The following PAK4 variants were observed in gnomAD, a reference collection of about 807,000 sequenced individuals.
The protein encoded by PAK4 is serine/threonine-protein kinase PAK 4.
In PAK4, 49 loss-of-function variants were observed where a neutral mutation model predicts 53.5. The observed-to-expected ratio is 0.92, with a 90% confidence interval of 0.73 to 1.16. PAK4 has a LOEUF of 1.16. Ranked by LOEUF, PAK4 falls within the 50% of genes most tolerant of loss-of-function variation. The probability of loss-of-function intolerance (pLI) is 0.00; values close to 1 mark genes in which losing one functional copy is unlikely to be tolerated. For missense variants in PAK4, 824 were observed against 850.7 expected (o/e 0.97, Z 0.39); for synonymous variants, 376 against 375.6 (o/e 1.00, Z -0.01).
At chr19:39,162,231 G>T (rs147659995) in intron 1 of PAK4, among the ~76,000 whole-genome samples, 1 of 152,204 alleles carries the variant, frequency 6.6e-6, no homozygotes, top group African/African-American at 2.4e-5. Flanking sequence ...AAAGTTCTGG[G>T]ATTACAGGCA....
chr19:39,177,850 G>A (rs537991023), intron 8 of PAK4, 41 bp downstream of exon 9: 40 of 1,580,048 alleles, frequency 2.5e-5, no homozygotes, highest in African/African-American at 1.4e-4. Flanking sequence ...GCCAGCTGGC[G>A]GGTGGCAGGG....
exon 8 of PAK4, chr19:39,177,675 G>A (rs746034918): frequency 6.2e-7 from 1 of 1,612,284 alleles, no homozygotes; most frequent in South Asian, 1.1e-5. Context: ...CCCGCCCCAG[G>A]TAGACATCTG....
chr19:39,159,503 A>T (rs2074249080), intron 1 of PAK4, among the ~76,000 whole-genome samples: 1 of 152,124 alleles, frequency 6.6e-6, no homozygotes, highest in Non-Finnish European at 1.5e-5. Context: ...CTCGTGCCTC[A>T]GCCTCCCAAG....
In PAK4 at chr19:39,178,481, C is replaced by T. The variant is rs571403056; in HGVS notation, c.1678C>T (p.Arg560Trp). The T allele has an allele frequency of 6.2e-6, 10 of 1,610,486 alleles. No individual in the cohort carries two copies. Among genetic ancestry groups the T allele is most frequent in the African/African-American group, 1.3e-5 (1 of 74,986 alleles). ...CCTGCTGGTGCGAGACCCTGCCCAG[C>T]GGGCCACGGCAGCCGAGCTGCTGAA... is the stretch of plus-strand genomic sequence containing the variant. The change falls in exon 9 of 9, where the codon CGG becomes TGG. Residue 560 changes from arginine to tryptophan, a missense_variant. Around this residue, in one of 2 missense-constraint regions of PAK4, gnomAD observed 346 missense variants for 415.0 expected, o/e 0.83. Coordinates refer to ENST00000358301, the Ensembl canonical transcript of PAK4. This position sits in a 1 kb window ranked among gnomAD's most constrained non-coding sequence, Gnocchi z 4.4.
At chr19:39,177,586 G>C (rs1444664067) in intron 7 of PAK4, 89 bp from the exon 9 acceptor site, 9 of 1,392,934 alleles carry the variant, frequency 6.5e-6, no homozygotes, top group South Asian at 1.5e-5. Flanking sequence ...CAGAGGCAGA[G>C]ACAGCGCTGG....
At chr19:39,134,303 C>T (rs780812498) in intron 1 of PAK4, among the ~76,000 whole-genome samples, 2 of 152,352 alleles carry the variant, frequency 1.3e-5, no homozygotes, top group South Asian at 2.1e-4. Context: ...CCCACCACCT[C>T]GGTAAAGACA....
Position 39,175,437 on chromosome 19 carries a change from G to A in PAK4, c.1358G>A (p.Arg453Lys). The change falls in exon 6 of 9, where the codon AGG (arginine) becomes AAG (lysine). Residue 453 changes from arginine to lysine, a missense_variant and splice_region_variant. By Grantham distance (26) the Arg-to-Lys change is conservative. Transcript: ENST00000358301. This position sits in a 1 kb window ranked among gnomAD's most constrained non-coding sequence, Gnocchi z 4.7. ...TCGATCCTGCTGACCCATGATGGCA[G>A]GGTGAGGGGACGGGCGGCGGGGTAC... The A allele has an allele frequency of 6.2e-7, 1 of 1,610,554 alleles. No individual in the cohort carries two copies. Among genetic ancestry groups the A allele is most frequent in the Non-Finnish European group, 8.5e-7 (1 of 1,178,726 alleles).
Position 39,173,514 on chromosome 19 carries a change from G to C in PAK4, c.664-62G>C. The C allele has an allele frequency of 1.4e-6, 2 of 1,416,444 alleles. No individual in the cohort carries two copies. The highest frequency in any genetic ancestry group is 1.9e-6 in the Non-Finnish European group (2 of 1,046,156). 87.7% of individuals were successfully genotyped at this position (1,416,444 alleles called of 1,614,324 possible). ...TGTCCCATCGCTGGGTCTCTCTCCT[G>C]CTTAGGGAGCAGAGCTGCTCCCTGG... On this transcript the variant is annotated intron_variant, in intron 3 of 8. Transcript: ENST00000358301. This position sits in a 1 kb window ranked among gnomAD's most constrained non-coding sequence, Gnocchi z 6.9.
intron 1 of PAK4, among the ~76,000 whole-genome samples, chr19:39,164,668 AACTCTGGAGTGGGCAGG>A (rs1237759802): frequency 6.6e-6 from 1 of 152,144 alleles, no homozygotes; most frequent in Non-Finnish European, 1.5e-5. Context: ...TAAGGCTGTG[AACTCTGGAGTGGGCAGG>A]ACTCTGGAAT....
intron 1 of PAK4, among the ~76,000 whole-genome samples, chr19:39,131,950 G>C (rs899675580): frequency 3.9e-5 from 6 of 152,178 alleles, no homozygotes; most frequent in African/African-American, 1.4e-4. Flanking sequence ...GTCGTGCTTA[G>C]CCCGATGCTC....
intron 1 of PAK4, among the ~76,000 whole-genome samples, chr19:39,129,776 G>A (rs1407957818): frequency 6.6e-6 from 1 of 152,198 alleles, no homozygotes; most frequent in Admixed American, 6.5e-5. Context: ...CATCCAGGAC[G>A]GTGACTGCAG....
At chr19:39,128,657 C>T (rs1433701823) in intron 1 of PAK4, among the ~76,000 whole-genome samples, 5 of 152,242 alleles carry the variant, frequency 3.3e-5, no homozygotes, top group African/African-American at 9.6e-5. Context: ...ATCCGGCCAT[C>T]GTCTGGCCTG....
At chr19:39,130,396 G>A (rs1330017523) in intron 1 of PAK4, among the ~76,000 whole-genome samples, 4 of 152,166 alleles carry the variant, frequency 2.6e-5, no homozygotes, top group South Asian at 2.1e-4. Flanking sequence ...TAGGAAGCCC[G>A]AGGAGGCATG....
At chr19:39,130,685 CAA>C (rs950762947) in intron 1 of PAK4, among the ~76,000 whole-genome samples, 1 of 150,634 alleles carries the variant, frequency 6.6e-6, no homozygotes, top group Non-Finnish European at 1.5e-5. Context: ...AATAAAAAAG[CAA>C]AAAAAAGAAG....
rs3833875 is a variant in PAK4, at chr19:39,178,960, A to ATGTG, written c.*390_*393dup. ...AGTGTGTGCACGCGTGTGAGTGTGCATGTGTGTGTGTGCAAAGGTCCAGCC... is the reference window on the plus strand; with the variant it reads ...AGTGTGTGCACGCGTGTGAGTGTGCATGTGTGTGTGTGTGTGCAAAGGTCCAGCC... On this transcript the variant is annotated 3_prime_UTR_variant, in exon 9 of 9. Transcript: ENST00000358301. This position sits in a 1 kb window ranked among gnomAD's most constrained non-coding sequence, Gnocchi z 4.4. 33 of 162,870 alleles carry ATGTG rather than the reference A, an allele frequency of 2.0e-4. No individual in the cohort carries two copies. In the South Asian group the frequency reaches 2.0e-3, roughly 10 times the overall value. 10.1% of individuals were successfully genotyped at this position (162,870 alleles called of 1,614,324 possible). A position where few individuals can be genotyped will look rare whatever the true frequency, so the allele number is the denominator to read the frequency against.
intron 1 of PAK4, among the ~76,000 whole-genome samples, chr19:39,137,414 G>C (rs769823432): frequency 6.6e-6 from 1 of 152,044 alleles, no homozygotes; most frequent in East Asian, 1.9e-4. Context: ...CCTGTGTCCC[G>C]GCCAGTGCTC....
intron 1 of PAK4, among the ~76,000 whole-genome samples, chr19:39,129,813 G>T (rs1308407394): frequency 1.3e-5 from 2 of 152,310 alleles, no homozygotes; most frequent in African/African-American, 4.8e-5. Flanking sequence ...CTTGGGGGCA[G>T]GTGCCAGGGG....
chr19:39,163,880 G>A (rs964021768), intron 1 of PAK4, among the ~76,000 whole-genome samples: 4 of 152,170 alleles, frequency 2.6e-5, no homozygotes, highest in African/African-American at 4.8e-5. Flanking sequence ...ATCATTCCAC[G>A]GAGTCCCTAC....
chr19:39,158,969 TAAC>T (rs1212086814), intron 1 of PAK4, among the ~76,000 whole-genome samples: 2 of 152,228 alleles, frequency 1.3e-5, no homozygotes, highest in African/African-American at 4.8e-5. Context: ...GCAGTAATGA[TAAC>T]AGCAGCGAGC....
Sources: allele counts gnomAD v4.1 joint callset (sites outside exome capture counted in the v4.1 genomes callset), GRCh38; gene constraint gnomAD v4.1.1; regional missense constraint gnomAD v4.1.1; non-coding constraint Gnocchi (gnomAD v3.1); transcripts MANE v1.5; gene names NCBI Gene and HGNC (gene_info 2026-07-23, HGNC 2026-07-21).